CYTH1: variants seen among roughly 807,000 people sequenced by gnomAD.
CYTH1 encodes cytohesin-1.
CYTH1 carries 18 observed loss-of-function variants against 61.8 expected under a neutral mutation model. That is an observed-to-expected ratio of 0.29 (90% CI 0.20 to 0.43). The LOEUF (loss-of-function observed/expected upper bound fraction) is 0.43. Among genes scored for constraint, CYTH1 ranks in the 20% least tolerant of loss-of-function variants. The pLI is 1.00. For missense variants in CYTH1, 336 were observed against 510.5 expected (o/e 0.66, Z 3.29); for synonymous variants, 174 against 184.3 (o/e 0.94, Z 0.45).
intron 1 of CYTH1, among the ~76,000 whole-genome samples, chr17:78,758,560 C>T (rs748111500): frequency 3.3e-5 from 5 of 151,982 alleles, no homozygotes; most frequent in African/African-American, 7.3e-5. Context: ...AAAAATTAGC[C>T]GGGCATGGTG....
At chr17:78,760,384 T>TACAC (rs1555615252) in intron 1 of CYTH1, among the ~76,000 whole-genome samples, 557 of 51,370 alleles carry the variant, frequency 0.011, 65 homozygotes, top group Middle Eastern at 0.068. Context: ...TATATATATA[T>TACAC]ACACACACAT....
At chr17:78,707,617 G>A (rs1038739437) in intron 3 of CYTH1, among the ~76,000 whole-genome samples, 1 of 151,696 alleles carries the variant, frequency 6.6e-6, no homozygotes, top group African/African-American at 2.4e-5. Flanking sequence ...ACAGAGGGGA[G>A]TAATTCACAT....
chr17:78,681,327 A>C (rs1188663956), intron 11 of CYTH1, among the ~76,000 whole-genome samples: 1 of 152,058 alleles, frequency 6.6e-6, no homozygotes, highest in Admixed American at 6.6e-5. Flanking sequence ...TCAAGCAGGG[A>C]GTGTGCGGGC....
chr17:78,715,280 A>G (rs1462252230), intron 1 of CYTH1, among the ~76,000 whole-genome samples: 2 of 152,186 alleles, frequency 1.3e-5, no homozygotes, highest in African/African-American at 4.8e-5. Context: ...AAAATTCTAA[A>G]TGAAAATTAT....
At chr17:78,775,308 G>A (rs960151917) in intron 1 of CYTH1, among the ~76,000 whole-genome samples, 6 of 152,188 alleles carry the variant, frequency 3.9e-5, no homozygotes, top group Non-Finnish European at 5.9e-5. Flanking sequence ...TGAAAGCCTC[G>A]GGTGCTAAGG....
intron 2 of CYTH1, 30 bp downstream of exon 2, chr17:78,709,620 G>C: frequency 6.2e-7 from 1 of 1,609,750 alleles, no homozygotes; most frequent in Non-Finnish European, 8.5e-7. Context: ...TGGTTCTTAC[G>C]TTGGTGAAAC....
chr17:78,694,684 C>T (rs1472363540), intron 10 of CYTH1, among the ~76,000 whole-genome samples: 1 of 152,034 alleles, frequency 6.6e-6, no homozygotes, highest in Non-Finnish European at 1.5e-5. Context: ...GGACACTACC[C>T]GGGGAACCCT....
chr17:78,714,566 T>C (rs1017745620), intron 1 of CYTH1, among the ~76,000 whole-genome samples: 3 of 152,028 alleles, frequency 2.0e-5, no homozygotes, highest in Admixed American at 6.6e-5. Context: ...CACACACACA[T>C]GAACGAAGCC....
intron 1 of CYTH1, among the ~76,000 whole-genome samples, chr17:78,741,478 C>T (rs889728919): frequency 6.6e-6 from 1 of 152,050 alleles, no homozygotes; most frequent in African/African-American, 2.4e-5. Flanking sequence ...ATCATTATCC[C>T]AGAGACAGAA....
intron 11 of CYTH1, among the ~76,000 whole-genome samples, chr17:78,683,909 C>T (rs779269302): frequency 6.6e-6 from 1 of 152,186 alleles, no homozygotes; most frequent in Non-Finnish European, 1.5e-5. Context: ...CATCACCAGG[C>T]GAGCAGGTGG....
rs528851057 is a variant in CYTH1, at chr17:78,761,693, A to C, written c.22+20509T>G. Among the ~76,000 whole-genome samples the C allele has an allele frequency of 5.9e-5, 9 of 152,306 alleles. No individual in the cohort carries two copies. The South Asian group carries it at 1.5e-3, about 25-fold the overall frequency. ...GCGGAGCTTGCAGTGAGACGAGATCACGCCACTGCACTCCAGCCTGGGGGA... is the reference window on the plus strand; with the variant it reads ...GCGGAGCTTGCAGTGAGACGAGATCCCGCCACTGCACTCCAGCCTGGGGGA... On this transcript the variant is annotated intron_variant, in intron 1 of 13. Coordinates refer to ENST00000446868, the MANE Select transcript of CYTH1 (RefSeq NM_004762.6).
At chr17:78,694,554 C>T (rs2092919870) in intron 10 of CYTH1, among the ~76,000 whole-genome samples, 1 of 152,188 alleles carries the variant, frequency 6.6e-6, no homozygotes, top group Non-Finnish European at 1.5e-5. Flanking sequence ...AAGGAACCCC[C>T]TCCACCAATT....
In CYTH1 at chr17:78,768,901, C is replaced by T. The variant is rs551600429; in HGVS notation, c.22+13301G>A. 5.9e-4 allele frequency among the ~76,000 whole-genome samples: 89 copies of T among 151,992 alleles called. 1 individual carries two copies. Among genetic ancestry groups the T allele is most frequent in the Non-Finnish European group, 1.9e-4 (13 of 67,990 alleles). ...CGGGCGCAGTGCCTCACACCAGCACCTTGGGAGATGGAGGTTGGCAAATCA... is the reference window on the plus strand; with the variant it reads ...CGGGCGCAGTGCCTCACACCAGCACTTTGGGAGATGGAGGTTGGCAAATCA... On this transcript the variant is annotated intron_variant, in intron 1 of 13. Transcript: ENST00000446868.
At chr17:78,680,930 T>A (rs942219661) in intron 12 of CYTH1, 41 bp downstream of exon 12, 3 of 1,592,194 alleles carry the variant, frequency 1.9e-6, no homozygotes, top group African/African-American at 2.7e-5. Flanking sequence ...GAAATGCCCA[T>A]CCCCTTTCTC....
rs1194302605 is a variant in CYTH1 at position 78,674,900 on chromosome 17, G to C, written c.*1191C>G. On this transcript the variant is annotated 3_prime_UTR_variant, in exon 14 of 14. Transcript: ENST00000446868. ...CACACAGCGCCTGCAGGGGAAGACA[G>C]AGATGCGAGAGGCAGCCCGGCCACC... The C allele has an allele frequency of 6.5e-6, 1 of 153,270 alleles. No homozygotes were observed. The highest frequency in any genetic ancestry group is 1.5e-5 in the Non-Finnish European group (1 of 68,928). 9.5% of individuals were successfully genotyped at this position (153,270 alleles called of 1,614,324 possible). A position where few individuals can be genotyped will look rare whatever the true frequency, so the allele number is the denominator to read the frequency against.
At chr17:78,692,516 C>G in intron 10 of CYTH1, 23 bp from the exon 11 acceptor site, 1 of 1,612,816 alleles carries the variant, frequency 6.2e-7, no homozygotes, top group African/African-American at 1.3e-5. Flanking sequence ...AAGAGATGCA[C>G]GTTCGACAAG....
intron 1 of CYTH1, among the ~76,000 whole-genome samples, chr17:78,760,460 CATATATATATGTATATATATGTATGT>C (rs2093420963): frequency 3.2e-5 from 1 of 31,530 alleles, no homozygotes; most frequent in Non-Finnish European, 5.9e-5. Context: ...TATATACATA[CATATATATATGTATATATATGTATGT>C]ATATATATAT....
intron 1 of CYTH1, among the ~76,000 whole-genome samples, chr17:78,749,650 AT>A (rs1292228075): frequency 2.0e-5 from 3 of 151,720 alleles, no homozygotes; most frequent in African/African-American, 7.3e-5. Flanking sequence ...ATAATAACAA[AT>A]AAAAATAAAA....
At chr17:78,693,608 G>A (rs2092910290) in intron 10 of CYTH1, among the ~76,000 whole-genome samples, 1 of 149,070 alleles carries the variant, frequency 6.7e-6, no homozygotes, top group East Asian at 2.0e-4. Context: ...GTGACACAGG[G>A]AGACTCCCTC....
Sources: allele counts gnomAD v4.1 joint callset (sites outside exome capture counted in the v4.1 genomes callset), GRCh38; gene constraint gnomAD v4.1.1; transcripts MANE v1.5; gene names NCBI Gene and HGNC (gene_info 2026-07-23, HGNC 2026-07-21).